Variants in SND1 observed in about 807,000 individuals in gnomAD.
SND1 encodes the protein staphylococcal nuclease domain-containing protein 1.
In SND1, 38 loss-of-function variants were observed where a neutral mutation model predicts 121.7. The observed-to-expected ratio is 0.31, with a 90% confidence interval of 0.24 to 0.41. SND1 has a LOEUF of 0.41. Ranked by LOEUF, SND1 falls within the 10% of genes least tolerant of loss-of-function variation. SND1 has a pLI of 1.00. For missense variants in SND1, 868 were observed against 1,184.6 expected (o/e 0.73, Z 3.92); for synonymous variants, 401 against 447.4 (o/e 0.90, Z 1.31).
At chr7:127,819,583 G>C (rs1488450682) in intron 11 of SND1, among the ~76,000 whole-genome samples, 1 of 152,154 alleles carries the variant, frequency 6.6e-6, no homozygotes, top group African/African-American at 2.4e-5. Flanking sequence ...GCTGGAGGTA[G>C]AAAAATTCAG....
At chr7:127,688,305 T>G (rs2116310680) in intron 2 of SND1, among the ~76,000 whole-genome samples, 1 of 152,240 alleles carries the variant, frequency 6.6e-6, no homozygotes, top group Admixed American at 6.5e-5. Flanking sequence ...GTTTCTGCTC[T>G]TTGGGCAGCT....
In SND1 at chr7:128,052,677, G is replaced by A. The variant is rs1390176169; in HGVS notation, c.1780-21825G>A. ...GCTGTTTGCTGAACACAACTCGTCC[G>A]TCAAGGGAAATCAGATGAAATCCAT... On this transcript the variant is annotated intron_variant, in intron 16 of 23. Transcript: ENST00000354725. The surrounding 1 kb of genome is among the most constrained non-coding windows in gnomAD (Gnocchi z 4.6). Among the ~76,000 whole-genome samples the A allele has an allele frequency of 1.3e-5, 2 of 152,212 alleles. No individual in the cohort carries two copies. Among genetic ancestry groups the A allele is most frequent in the Non-Finnish European group, 2.9e-5 (2 of 68,048 alleles).
chr7:127,866,265 G>A (rs1355823271), intron 12 of SND1, among the ~76,000 whole-genome samples: 1 of 152,156 alleles, frequency 6.6e-6, no homozygotes, highest in East Asian at 1.9e-4. Context: ...ACTTGTACAG[G>A]GAATATTCCA....
chr7:128,086,958 C>T lies in SND1; in HGVS notation c.2325C>T (p.Thr775=). The T allele has an allele frequency of 6.2e-7, 1 of 1,614,146 alleles. No individual in the cohort carries two copies. Among genetic ancestry groups the T allele is most frequent in the South Asian group, 1.1e-5 (1 of 91,086 alleles). Residue 775 remains threonine (T), a synonymous_variant, in exon 21 of 24, where the codon ACC becomes ACT. Coordinates refer to ENST00000354725, the MANE Select transcript of SND1 (RefSeq NM_014390.4). ...DYGNREVLPS[T]RLGTLSPAFS... The stretch of plus-strand genomic sequence containing the variant: ...TGCAGAGAGAGGTCCTGCCATCCAC[C>T]CGCCTGGGTACCCTATCACCTGCCT...
At position 127,948,013 on chromosome 7, in the gene SND1, A is replaced by G. The variant is rs1269033951; in HGVS notation, c.1669+18684A>G. 2.6e-5 allele frequency among the ~76,000 whole-genome samples: 4 copies of G among 152,252 alleles called. No homozygotes were observed. In the East Asian group the frequency reaches 5.8e-4, roughly 22 times the overall value. On this transcript the variant is annotated intron_variant, in intron 15 of 23. Coordinates refer to ENST00000354725, the MANE Select transcript of SND1 (RefSeq NM_014390.4). ...GGAGACTGCTACTTTTGGGTACAGC[A>G]GGACACACACAGTGTAGTAGGGTTG... is the stretch of plus-strand genomic sequence containing the variant.
At chr7:127,727,817 C>T (rs1293146659) in intron 10 of SND1, among the ~76,000 whole-genome samples, 1 of 152,060 alleles carries the variant, frequency 6.6e-6, no homozygotes, top group Non-Finnish European at 1.5e-5. Flanking sequence ...CACTTGAAAT[C>T]TTCTTTGTTA....
chr7:127,801,972 G>A (rs1798139155), intron 10 of SND1, among the ~76,000 whole-genome samples: 1 of 152,074 alleles, frequency 6.6e-6, no homozygotes, highest in South Asian at 2.1e-4. Flanking sequence ...CTCCCGAGTA[G>A]CTGGGACTAC....
Position 127,764,044 on chromosome 7 carries a change from A to AC in SND1, c.1152+42644_1152+42645insC, listed in dbSNP as rs1353451998. 9.6e-5 allele frequency among the ~76,000 whole-genome samples: 14 copies of AC among 146,576 alleles called. 1 individual carries two copies. Among genetic ancestry groups the AC allele is most frequent in the African/African-American group, 3.5e-4 (14 of 40,538 alleles). ...ACAGAGCAAGACCCTGTCGCAAAAA[A>AC]AAAAAAAACAAAAAAACAAAAAAAC... is the stretch of plus-strand genomic sequence containing the variant. On this transcript the variant is annotated intron_variant, in intron 10 of 23. Transcript: ENST00000354725.
At chr7:127,659,766 G>A (rs1053612178) in intron 1 of SND1, among the ~76,000 whole-genome samples, 1 of 152,158 alleles carries the variant, frequency 6.6e-6, no homozygotes, top group African/African-American at 2.4e-5. Flanking sequence ...TCTGGCCTGG[G>A]TGCTGCCATT....
At chr7:127,755,367 C>T (rs931606497) in intron 10 of SND1, among the ~76,000 whole-genome samples, 1 of 152,170 alleles carries the variant, frequency 6.6e-6, no homozygotes, top group African/African-American at 2.4e-5. Context: ...GTTCATTTTT[C>T]TTCCTTCTTT....
chr7:127,685,049 T>A (rs1795789422), intron 1 of SND1, among the ~76,000 whole-genome samples: 2 of 152,168 alleles, frequency 1.3e-5, no homozygotes. Flanking sequence ...GAGAAGGGGC[T>A]GCAAGTAGAG....
chr7:127,780,427 G>A (rs1195076845), intron 10 of SND1, among the ~76,000 whole-genome samples: 2 of 152,162 alleles, frequency 1.3e-5, no homozygotes, highest in African/African-American at 2.4e-5. Flanking sequence ...AATTGTCATG[G>A]CCTTTTAAAG....
chr7:128,090,717 G>T (rs73239704), intron 22 of SND1, among the ~76,000 whole-genome samples: 1 of 151,604 alleles, frequency 6.6e-6, no homozygotes, highest in African/African-American at 2.4e-5. Context: ...CCACCACACC[G>T]CAAGCCCACA....
chr7:127,665,251 A>G (rs1032783874), intron 1 of SND1, among the ~76,000 whole-genome samples: 1 of 151,880 alleles, frequency 6.6e-6, no homozygotes, highest in East Asian at 1.9e-4. Context: ...CAGTGGCACA[A>G]TCTTGGCTTA....
intron 13 of SND1, among the ~76,000 whole-genome samples, chr7:127,889,304 C>A (rs1047820901): frequency 2.6e-5 from 4 of 151,844 alleles, no homozygotes; most frequent in Non-Finnish European, 4.4e-5. Flanking sequence ...CCAAAGAACT[C>A]ATGATGAGAA....
At chr7:128,048,968 A>G (rs1793000152) in intron 16 of SND1, among the ~76,000 whole-genome samples, 1 of 152,122 alleles carries the variant, frequency 6.6e-6, no homozygotes, top group Non-Finnish European at 1.5e-5. Context: ...CCTGTCTCCA[A>G]AAGAGCAGGA....
chr7:127,758,329 A>C (rs1038328484), intron 10 of SND1, among the ~76,000 whole-genome samples: 2 of 152,182 alleles, frequency 1.3e-5, no homozygotes, highest in East Asian at 1.9e-4. Flanking sequence ...TTATGTCCTT[A>C]TGTCATTCAC....
chr7:128,044,317 C>T (rs1332291315), intron 16 of SND1, among the ~76,000 whole-genome samples: 2 of 152,126 alleles, frequency 1.3e-5, no homozygotes, highest in Admixed American at 6.5e-5. Context: ...TTATTCAGGC[C>T]GCATCCACAA....
chr7:128,086,811 C>A, intron 20 of SND1, 127 bp from the exon 21 acceptor site: 1 of 778,924 alleles, frequency 1.3e-6, no homozygotes, highest in South Asian at 1.5e-5. Flanking sequence ...AAAGTGGAAC[C>A]AAGTCATGGG....
Sources: allele counts gnomAD v4.1 joint callset (sites outside exome capture counted in the v4.1 genomes callset), GRCh38; gene constraint gnomAD v4.1.1; non-coding constraint Gnocchi (gnomAD v3.1); transcripts MANE v1.5; gene names NCBI Gene and HGNC (gene_info 2026-07-23, HGNC 2026-07-21).